The following NEDD9 variants were observed in gnomAD, a reference collection of about 807,000 sequenced individuals.
The protein encoded by NEDD9 is neural precursor cell expressed, developmentally down-regulated 9.
NEDD9 carries 26 observed loss-of-function variants against 76.6 expected under a neutral mutation model. That is an observed-to-expected ratio of 0.34 (90% CI 0.25 to 0.47). The LOEUF is 0.47. Among genes scored for constraint, NEDD9 ranks in the 20% least tolerant of loss-of-function variants. The pLI is 1.00. For synonymous variants in NEDD9, 392 were observed against 414.2 expected (o/e 0.95, Z 0.65); for missense variants, 937 against 1,058.5 (o/e 0.89, Z 1.59).
In NEDD9 at chr6:11,325,927, C is replaced by T. The variant is rs376140726; in HGVS notation, c.-153+8574G>A. Among the ~76,000 whole-genome samples the T allele has an allele frequency of 1.1e-3, 173 of 152,268 alleles. 1 individual carries two copies. The highest frequency in any genetic ancestry group is 3.9e-3 in the African/African-American group (164 of 41,562). ...TTGGGAGGCCGAGGCGGGCGGATCA[C>T]CTGAGGCCAGGAGTTCGAGATCAGT... On this transcript the variant is annotated intron_variant, in intron 2 of 3. Coordinates refer to the NEDD9 transcript ENST00000397378.
intron 3 of NEDD9, among the ~76,000 whole-genome samples, chr6:11,271,112 C>T (rs1000750188): frequency 3.3e-5 from 5 of 152,198 alleles, no homozygotes; most frequent in Non-Finnish European, 5.9e-5. Flanking sequence ...TAGCTCACTC[C>T]AGCCTCCATC....
At chr6:11,265,668 G>T (rs1175102621) in intron 3 of NEDD9, among the ~76,000 whole-genome samples, 2 of 152,158 alleles carry the variant, frequency 1.3e-5, no homozygotes, top group Admixed American at 6.5e-5. Context: ...AGGAATCAGG[G>T]GAGAGGTGTC....
At chr6:11,196,993 A>G (rs1243214776) in intron 2 of NEDD9, among the ~76,000 whole-genome samples, 1 of 152,130 alleles carries the variant, frequency 6.6e-6, no homozygotes, top group African/African-American at 2.4e-5. Flanking sequence ...TTTGTGGTTC[A>G]TTAAGGCTTT....
At chr6:11,346,101 T>A (rs1436200192) in intron 1 of NEDD9, among the ~76,000 whole-genome samples, 1 of 152,214 alleles carries the variant, frequency 6.6e-6, no homozygotes, top group Non-Finnish European at 1.5e-5. Context: ...TTTATTTGGC[T>A]TTTTTGTGTC....
Position 11,373,117 on chromosome 6 carries a change from G to A in NEDD9, c.-214+9022C>T, listed in dbSNP as rs998467951. ...AATTCTTTTGAAATCAAACACCTTC[G>A]TTAAGTGGTTCCTTGAACTGTTTTG... On this transcript the variant is annotated intron_variant, in intron 1 of 3. Transcript: ENST00000397378. Among the ~76,000 whole-genome samples the A allele has an allele frequency of 5.3e-5, 8 of 150,916 alleles. No homozygotes were observed. In the East Asian group the frequency reaches 1.4e-3, roughly 26 times the overall value.
rs145243264 is a variant in NEDD9, at chr6:11,187,896, A to G, written c.1995+322T>C. Among the ~76,000 whole-genome samples, 925 of 152,342 alleles carry G rather than the reference A, an allele frequency of 6.1e-3. 4 individuals are homozygous for G. The highest frequency in any genetic ancestry group is 0.021 in the African/African-American group (886 of 41,576). On this transcript the variant is annotated intron_variant, in intron 6 of 6. Coordinates refer to ENST00000379446, the MANE Select transcript of NEDD9 (RefSeq NM_006403.4). ...TGAATTCCCCTACTGTGGCTTTACT[A>G]TAAACCTGCTTGCTTAGGCTAGCTT...
chr6:11,217,478 A>G (rs1758987463), intron 1 of NEDD9, among the ~76,000 whole-genome samples: 1 of 152,226 alleles, frequency 6.6e-6, no homozygotes, highest in Non-Finnish European at 1.5e-5. Flanking sequence ...TAAGAGAGCT[A>G]TGTAACTCTA....
chr6:11,297,881 T>A (rs1208589546), intron 3 of NEDD9, among the ~76,000 whole-genome samples: 1 of 151,524 alleles, frequency 6.6e-6, no homozygotes, highest in East Asian at 1.9e-4. Context: ...CTAGGCAGTA[T>A]GGCTTCTAGT....
rs572793149 is a variant in NEDD9, at chr6:11,195,765, C to T, written c.460-2073G>A. On this transcript the variant is annotated intron_variant, in intron 2 of 6. Coordinates refer to ENST00000379446, the MANE Select transcript of NEDD9 (RefSeq NM_006403.4). ...ATCCCAGCACTTTGGGAGGCCAAGG[C>T]GGGAGAATCACCTAAGGTCAGGAGT... 3.9e-5 allele frequency among the ~76,000 whole-genome samples: 6 copies of T among 152,186 alleles called. No individual in the cohort carries two copies. In the South Asian group the frequency reaches 1.2e-3, roughly 32 times the overall value.
At chr6:11,359,239 C>T (rs576152716) in intron 1 of NEDD9, among the ~76,000 whole-genome samples, 1 of 152,324 alleles carries the variant, frequency 6.6e-6, no homozygotes, top group Admixed American at 6.5e-5. Context: ...ATGTATTTAT[C>T]TCTGTGTTAG....
At chr6:11,222,793 G>GT (rs1401692939) in intron 1 of NEDD9, among the ~76,000 whole-genome samples, 1 of 152,250 alleles carries the variant, frequency 6.6e-6, no homozygotes, top group Admixed American at 6.5e-5. Context: ...GGCTAGGCCT[G>GT]TAAGAGGAAG....
intron 2 of NEDD9, among the ~76,000 whole-genome samples, chr6:11,201,603 C>A (rs1040908113): frequency 1.3e-5 from 2 of 152,176 alleles, no homozygotes; most frequent in African/African-American, 2.4e-5. Context: ...TGGGTAACTT[C>A]ACTAGTTAGT....
chr6:11,345,052 T>C (rs1426041532), intron 1 of NEDD9, among the ~76,000 whole-genome samples: 1 of 152,194 alleles, frequency 6.6e-6, no homozygotes, highest in Non-Finnish European at 1.5e-5. Flanking sequence ...AAAGGTATTT[T>C]TGTAAGATCT....
intron 2 of NEDD9, among the ~76,000 whole-genome samples, chr6:11,319,281 G>A (rs1370113609): frequency 2.0e-5 from 3 of 152,130 alleles, no homozygotes; most frequent in African/African-American, 7.2e-5. Context: ...GCCCTTTTCT[G>A]GGAATGGGGA....
chr6:11,296,137 A>C (rs1380610785), intron 3 of NEDD9, among the ~76,000 whole-genome samples: 1 of 152,158 alleles, frequency 6.6e-6, no homozygotes, highest in Non-Finnish European at 1.5e-5. Flanking sequence ...TCTACAAGTC[A>C]AGGAGAGAGG....
At chr6:11,283,514 T>C (rs1760580026) in intron 3 of NEDD9, among the ~76,000 whole-genome samples, 1 of 152,128 alleles carries the variant, frequency 6.6e-6, no homozygotes, top group South Asian at 2.1e-4. Flanking sequence ...GAAAAAGGCA[T>C]TTGAGACCAT....
chr6:11,266,530 C>T lies in NEDD9; in HGVS notation c.12+39462G>A, dbSNP rs192367292. 5.0e-3 allele frequency among the ~76,000 whole-genome samples: 766 copies of T among 152,248 alleles called. 4 individuals carry two copies. Among genetic ancestry groups the T allele is most frequent in the African/African-American group, 0.018 (728 of 41,528 alleles). On this transcript the variant is annotated intron_variant, in intron 3 of 3. Coordinates refer to the NEDD9 transcript ENST00000397378. Reference sequence around the variant, plus strand: ...ACAAGAGTGAGCCTGGAAGCAGATCCTATTTTAGCAACGAAAGCTAAGATG... The same window carrying T: ...ACAAGAGTGAGCCTGGAAGCAGATCTTATTTTAGCAACGAAAGCTAAGATG...
At position 11,213,610 on chromosome 6, in the gene NEDD9, A is replaced by G; in HGVS notation, c.130T>C (p.Trp44Arg). 6.2e-7 allele frequency: 1 copy of G among 1,614,170 alleles called. No individual in the cohort carries two copies. Among genetic ancestry groups the G allele is most frequent in the Non-Finnish European group, 8.5e-7 (1 of 1,180,034 alleles). The change falls in exon 2 of 7, where the codon TGG (tryptophan) becomes CGG (arginine). Residue 44 changes from tryptophan to arginine, a missense_variant. By Grantham distance (101) the Trp-to-Arg change is moderately radical. Coordinates refer to ENST00000379446, the MANE Select transcript of NEDD9 (RefSeq NM_006403.4). The surrounding 1 kb of genome is among the most constrained non-coding windows in gnomAD (Gnocchi z 5.4). ...EQNTGGLEGW[W>R]LCSLHGRQGI... ...TGCCGACCGTGTAATGAGCACAGCC[A>G]CCATCCTTCCAGTCCCCCTGTGTTC...
At chr6:11,221,055 C>G (rs1177436118) in intron 1 of NEDD9, among the ~76,000 whole-genome samples, 1 of 152,124 alleles carries the variant, frequency 6.6e-6, no homozygotes, top group African/African-American at 2.4e-5. Context: ...CATCTGTGGT[C>G]TTTGGGTTTA....
Sources: gnomAD v4.1 joint callset for allele counts (sites outside exome capture counted in the v4.1 genomes callset) on GRCh38, gnomAD v4.1.1 for gene constraint, Gnocchi (gnomAD v3.1) non-coding constraint, MANE v1.5 for transcripts, NCBI Gene and HGNC (gene_info 2026-07-23, HGNC 2026-07-21) for gene names.